Variants in CHRNB3 observed in about 807,000 individuals in gnomAD.
CHRNB3 encodes the protein neuronal acetylcholine receptor subunit beta-3.
A neutral mutation model predicts 40.6 loss-of-function variants in CHRNB3; 37 were observed. That is an observed-to-expected ratio of 0.91 (90% CI 0.70 to 1.20). CHRNB3 has a LOEUF of 1.20. Among genes scored for constraint, CHRNB3 ranks in the 50% most tolerant of loss-of-function variants. CHRNB3 has a pLI of 0.00. For synonymous variants in CHRNB3, 207 were observed against 207.1 expected (o/e 1.00, Z 0.00); for missense variants, 505 against 551.2 (o/e 0.92, Z 0.84).
intron 1 of CHRNB3, among the ~76,000 whole-genome samples, chr8:42,700,771 G>A (rs191823308): frequency 1.3e-5 from 2 of 152,268 alleles, no homozygotes; most frequent in East Asian, 1.9e-4. Flanking sequence ...TTTATAACAG[G>A]TTATTGGATT....
chr8:42,715,043 C>T (rs753878505), intron 3 of CHRNB3: 4 of 152,122 alleles, frequency 2.6e-5, no homozygotes, highest in Non-Finnish European at 5.9e-5. Context: ...CTCCATCTTC[C>T]ATCCCTTCAC....
intron 5 of CHRNB3, 150 bp from the exon 6 acceptor site, chr8:42,736,334 G>T: frequency 1.1e-6 from 1 of 914,228 alleles, no homozygotes; most frequent in East Asian, 2.4e-5. Context: ...GAAAGAACCT[G>T]AGCCTGTAGT....
chr8:42,710,511 C>T, intron 3 of CHRNB3, 77 bp downstream of exon 3: 4 of 1,176,248 alleles, frequency 3.4e-6, no homozygotes, highest in Non-Finnish European at 5.0e-6. Flanking sequence ...ATCTGAAAAA[C>T]AATTATTTAA....
At chr8:42,703,100 A>G (rs1815845966) in intron 1 of CHRNB3, among the ~76,000 whole-genome samples, 1 of 151,906 alleles carries the variant, frequency 6.6e-6, no homozygotes, top group African/African-American at 2.4e-5. Context: ...TCTTTCATTG[A>G]GGCTGAAATT....
chr8:42,723,201 C>T lies in CHRNB3; in HGVS notation c.250-7393C>T, dbSNP rs188521942. Among the ~76,000 whole-genome samples the T allele has an allele frequency of 1.2e-3, 179 of 151,938 alleles. 1 individual carries two copies. Among genetic ancestry groups the T allele is most frequent in the African/African-American group, 3.9e-3 (162 of 41,434 alleles). ...TTACTAAAATATAGCAATAAGATAT[C>T]GTATTACTTAGATATTTTACTATTG... On this transcript the variant is annotated intron_variant, in intron 3 of 5. Coordinates refer to ENST00000289957, the MANE Select transcript of CHRNB3 (RefSeq NM_000749.5).
intron 1 of CHRNB3, among the ~76,000 whole-genome samples, chr8:42,701,202 T>TG: frequency 8.5e-6 from 1 of 117,348 alleles, no homozygotes. Flanking sequence ...CACTCCAGCC[T>TG]GGCGACAGAG....
In CHRNB3 at chr8:42,731,945, G is replaced by C. The variant is rs139676489; in HGVS notation, c.638G>C (p.Arg213Thr). 8.1e-6 allele frequency: 13 copies of C among 1,614,182 alleles called. No homozygotes were observed. The highest frequency in any genetic ancestry group is 1.6e-4 in the Middle Eastern group (1 of 6,062). ...AACGCAAAGGGGATGAAGGGGAACA[G>C]AAGGGACGGCGTGTACTCCTATCCC... ...ILNAKGMKGN[R>T]RDGVYSYPFI... The change falls in exon 5 of 6, where the codon AGA (arginine) becomes ACA (threonine). Residue 213 changes from arginine to threonine, a missense_variant. Physicochemically the swap from Arg to Thr is moderately conservative, Grantham distance 71. Transcript: ENST00000289957.
At chr8:42,705,510 C>T (rs1396424336) in intron 1 of CHRNB3, 1 of 152,292 alleles carries the variant, frequency 6.6e-6, no homozygotes, top group African/African-American at 2.4e-5. Context: ...TCTCTCACCC[C>T]CTCTTTGCCC....
Position 42,708,725 on chromosome 8 carries a change from G to A in CHRNB3, c.61G>A (p.Gly21Ser). Residue 21 changes from glycine to serine, a missense_variant, in exon 2 of 6, where the codon GGT becomes AGT. By Grantham distance (56) the Gly-to-Ser change is moderately conservative. Transcript: ENST00000289957. Reference sequence around the variant, plus strand: ...CCATGATTCTTTTACAGCCACCACAGGTTTCAACTCAATCGCCGAAAATGA... The same window carrying A: ...CCATGATTCTTTTACAGCCACCACAAGTTTCAACTCAATCGCCGAAAATGA... ...VLGIPSSATT[G>S]FNSIAENEDA... The A allele has an allele frequency of 2.5e-6, 4 of 1,613,828 alleles. No homozygotes were observed. Among genetic ancestry groups the A allele is most frequent in the Non-Finnish European group, 3.4e-6 (4 of 1,179,906 alleles).
intron 5 of CHRNB3, among the ~76,000 whole-genome samples, chr8:42,735,169 A>G (rs1816500891): frequency 6.6e-6 from 1 of 151,900 alleles, no homozygotes; most frequent in Non-Finnish European, 1.5e-5. Flanking sequence ...GCAGTGAGCC[A>G]AGATCATGCC....
chr8:42,707,545 CCT>C lies in CHRNB3; in HGVS notation c.53-1171_53-1170del, dbSNP rs1275765309. Among the ~76,000 whole-genome samples the C allele has an allele frequency of 4.6e-5, 7 of 152,190 alleles. No individual in the cohort carries two copies. The East Asian group carries it at 1.4e-3, about 29-fold the overall frequency. On this transcript the variant is annotated intron_variant, in intron 1 of 5. Transcript: ENST00000289957. ...TCTAGCCTGGGCAACATAGTGAGAC[CCT>C]GTCTTCTTTTTTTAAAAGTAGGGGC...
At chr8:42,734,354 A>G (rs1274957487) in intron 5 of CHRNB3, among the ~76,000 whole-genome samples, 1 of 150,472 alleles carries the variant, frequency 6.6e-6, no homozygotes, top group African/African-American at 2.5e-5. Flanking sequence ...GGGTTCAAAT[A>G]TTTTACTCTA....
chr8:42,709,790 C>G (rs1349502881), intron 2 of CHRNB3, among the ~76,000 whole-genome samples: 1 of 152,090 alleles, frequency 6.6e-6, no homozygotes, highest in Non-Finnish European at 1.5e-5. Flanking sequence ...TGCCATGATG[C>G]CCAGCTAATT....
At chr8:42,701,025 G>A (rs1015598765) in intron 1 of CHRNB3, among the ~76,000 whole-genome samples, 9 of 151,774 alleles carry the variant, frequency 5.9e-5, no homozygotes, top group Non-Finnish European at 1.2e-4. Context: ...GTCAGGAGGT[G>A]GAGACCATCC....
intron 3 of CHRNB3, among the ~76,000 whole-genome samples, chr8:42,716,213 AT>A (rs1816101720): frequency 6.6e-6 from 1 of 151,992 alleles, no homozygotes; most frequent in African/African-American, 2.4e-5. Flanking sequence ...CTGACTTCAG[AT>A]TATCCACCCG....
At chr8:42,703,435 A>AAAAAAAAAAAAATATCTATATCTATATAT in intron 1 of CHRNB3, among the ~76,000 whole-genome samples, 1 of 47,400 alleles carries the variant, frequency 2.1e-5, no homozygotes. Flanking sequence ...AAAAAAAAAA[A>AAAAAAAAAAAAATATCTATATCTATATAT]ATATTTATAT....
At chr8:42,723,145 GT>G in intron 3 of CHRNB3, among the ~76,000 whole-genome samples, 1 of 149,928 alleles carries the variant, frequency 6.7e-6, no homozygotes, top group African/African-American at 2.5e-5. Flanking sequence ...CTAAAATATC[GT>G]AAGTAATAGG....
intron 2 of CHRNB3, 129 bp downstream of exon 2, chr8:42,708,997 G>GC: frequency 4.8e-6 from 5 of 1,050,440 alleles, no homozygotes; most frequent in Non-Finnish European, 6.6e-6. Context: ...GAGAAAATCT[G>GC]CCCCCAAGAA....
intron 5 of CHRNB3, among the ~76,000 whole-genome samples, chr8:42,733,253 G>T (rs1816460170): frequency 6.6e-6 from 1 of 151,728 alleles, no homozygotes; most frequent in Admixed American, 6.6e-5. Context: ...CTTGAGGCCA[G>T]AATTGAGACC....
Sources: allele counts gnomAD v4.1 joint callset (sites outside exome capture counted in the v4.1 genomes callset), GRCh38; gene constraint gnomAD v4.1.1; transcripts MANE v1.5; gene names NCBI Gene and HGNC (gene_info 2026-07-23, HGNC 2026-07-21).